LRRTM4: variants seen among roughly 807,000 people sequenced by gnomAD.
LRRTM4 encodes the protein leucine-rich repeat transmembrane neuronal protein 4.
A neutral mutation model predicts 47.6 loss-of-function variants in LRRTM4; 25 were observed. That is an observed-to-expected ratio of 0.53 (90% confidence interval 0.38 to 0.73). LRRTM4 has a LOEUF of 0.73. Ranked by LOEUF, LRRTM4 falls within the 30% of genes least tolerant of loss-of-function variation. The probability of loss-of-function intolerance (pLI) is 0.00; values close to 1 mark genes in which losing one functional copy is unlikely to be tolerated. For missense variants in LRRTM4, 638 were observed against 713.4 expected (o/e 0.89, Z 1.20); for synonymous variants, 311 against 269.5 (o/e 1.15, Z -1.51).
At position 77,105,581 on chromosome 2, in the gene LRRTM4, G is replaced by A. The variant is rs184514124; in HGVS notation, c.1552-356665C>T. Among the ~76,000 whole-genome samples, 594 of 152,044 alleles carry A rather than the reference G, an allele frequency of 3.9e-3. 6 individuals carry two copies. Among genetic ancestry groups the A allele is most frequent in the African/African-American group, 0.014 (569 of 41,482 alleles). ...GTTAAATGACGAGTTACTGGGTGCA[G>A]CACACCAACATGGCACGTGTATACA... On this transcript the variant is annotated intron_variant, in intron 3 of 3. Transcript: ENST00000409884.
chr2:77,428,593 A>T (rs1439634224), intron 3 of LRRTM4, among the ~76,000 whole-genome samples: 1 of 152,194 alleles, frequency 6.6e-6, no homozygotes, highest in Non-Finnish European at 1.5e-5. Context: ...TAAAAGGTTC[A>T]CATTTTTTAG....
intron 3 of LRRTM4, among the ~76,000 whole-genome samples, chr2:77,217,213 C>A (rs963737844): frequency 2.0e-5 from 3 of 151,026 alleles, no homozygotes; most frequent in Admixed American, 6.6e-5. Flanking sequence ...TTGTTGACAA[C>A]CATTTTATCC....
At position 77,366,854 on chromosome 2, in the gene LRRTM4, C is replaced by T. The variant is rs571927479; in HGVS notation, c.1551+151464G>A. Among the ~76,000 whole-genome samples, 8 of 151,958 alleles carry T rather than the reference C, an allele frequency of 5.3e-5. 1 individual carries two copies. In the South Asian group the frequency reaches 1.7e-3, roughly 32 times the overall value. The stretch of plus-strand genomic sequence containing the variant: ...TGGGTCAAGTTATCACTGTCTCTGT[C>T]TCAGATACTGTGTTGGTCGTTTAGC... On this transcript the variant is annotated intron_variant, in intron 3 of 3. Coordinates refer to ENST00000409884, the MANE Select transcript of LRRTM4 (RefSeq NM_001134745.3).
At chr2:77,025,692 A>T (rs543825851) in intron 3 of LRRTM4, among the ~76,000 whole-genome samples, 1 of 152,222 alleles carries the variant, frequency 6.6e-6, no homozygotes. Context: ...ACAAAAATGT[A>T]GAATATTTCT....
chr2:77,246,370 A>G (rs900017313), intron 3 of LRRTM4, among the ~76,000 whole-genome samples: 55 of 152,202 alleles, frequency 3.6e-4, no homozygotes, highest in African/African-American at 1.3e-3. Context: ...TTTCGCCAAT[A>G]TATACACACT....
intron 3 of LRRTM4, among the ~76,000 whole-genome samples, chr2:76,913,821 G>A (rs1674152973): frequency 6.6e-6 from 1 of 151,898 alleles, no homozygotes. Context: ...TTACAGGCGT[G>A]AACCACCATG....
chr2:76,839,610 G>T (rs946130634), intron 3 of LRRTM4, among the ~76,000 whole-genome samples: 6 of 151,772 alleles, frequency 4.0e-5, no homozygotes, highest in African/African-American at 1.2e-4. Flanking sequence ...TGCTGGAGAT[G>T]GTTACTCAGA....
At chr2:77,004,123 GA>G (rs1445265659) in intron 3 of LRRTM4, among the ~76,000 whole-genome samples, 1 of 152,170 alleles carries the variant, frequency 6.6e-6, no homozygotes, top group Non-Finnish European at 1.5e-5. Flanking sequence ...TTTGCAGCCT[GA>G]AATGCAGTAG....
chr2:77,292,758 TA>T (rs1236224013), intron 3 of LRRTM4, among the ~76,000 whole-genome samples: 1 of 150,498 alleles, frequency 6.6e-6, no homozygotes, highest in East Asian at 2.0e-4. Flanking sequence ...AATGACGAGT[TA>T]ATGGGTGCAG....
At chr2:76,869,366 T>C (rs897526637) in intron 3 of LRRTM4, among the ~76,000 whole-genome samples, 3 of 152,110 alleles carry the variant, frequency 2.0e-5, no homozygotes, top group Non-Finnish European at 2.9e-5. Flanking sequence ...TTGAAGAGGC[T>C]GAGCCTCTTC....
At chr2:77,402,712 G>T (rs1573366395) in intron 3 of LRRTM4, among the ~76,000 whole-genome samples, 1 of 151,840 alleles carries the variant, frequency 6.6e-6, no homozygotes, top group Non-Finnish European at 1.5e-5. Context: ...ATTCACAGCT[G>T]GGCAATGACT....
chr2:77,032,826 A>C (rs887380286), intron 3 of LRRTM4, among the ~76,000 whole-genome samples: 3 of 152,106 alleles, frequency 2.0e-5, no homozygotes, highest in African/African-American at 7.2e-5. Context: ...GGAAATGCTG[A>C]TTCTTTTTAG....
At chr2:77,235,995 A>T (rs989847390) in intron 3 of LRRTM4, among the ~76,000 whole-genome samples, 9 of 152,016 alleles carry the variant, frequency 5.9e-5, no homozygotes, top group Admixed American at 2.6e-4. Context: ...TGCTTTGGCT[A>T]TTTGAATTCC....
At chr2:76,933,028 T>C (rs571517963) in intron 3 of LRRTM4, among the ~76,000 whole-genome samples, 1 of 152,206 alleles carries the variant, frequency 6.6e-6, no homozygotes, top group East Asian at 1.9e-4. Flanking sequence ...ATTTGAGAAA[T>C]CTTAATATTC....
At chr2:76,800,858 C>G (rs1408683699) in intron 3 of LRRTM4, among the ~76,000 whole-genome samples, 1 of 150,872 alleles carries the variant, frequency 6.6e-6, no homozygotes, top group Middle Eastern at 3.4e-3. Flanking sequence ...AAAAAATGCT[C>G]ATCATCACTG....
At chr2:77,430,334 C>T (rs1675314779) in intron 3 of LRRTM4, among the ~76,000 whole-genome samples, 1 of 152,116 alleles carries the variant, frequency 6.6e-6, no homozygotes, top group Non-Finnish European at 1.5e-5. Context: ...TAGGTAATCT[C>T]TTAACCTTTT....
At chr2:77,064,407 A>T (rs1679886891) in intron 3 of LRRTM4, among the ~76,000 whole-genome samples, 1 of 152,212 alleles carries the variant, frequency 6.6e-6, no homozygotes, top group Non-Finnish European at 1.5e-5. Context: ...AAGCTAAGAA[A>T]TGGTATCTTA....
rs386390525 is a variant in LRRTM4 at position 77,083,783 on chromosome 2, C to CTTTTTTTTTTTTTTTTTTTTTTT, written c.1552-334890_1552-334868dup. Among the ~76,000 whole-genome samples, 4 of 52,404 alleles carry CTTTTTTTTTTTTTTTTTTTTTTT rather than the reference C, an allele frequency of 7.6e-5. 1 individual carries two copies. The highest frequency in any genetic ancestry group is 1.7e-4 in the Non-Finnish European group (4 of 23,550). The allele number at this position is 52,404 out of a possible 152,430, so 34.4% of individuals were successfully genotyped here. A position where few individuals can be genotyped will look rare whatever the true frequency, so the allele number is the denominator to read the frequency against. On this transcript the variant is annotated intron_variant, in intron 3 of 3. Coordinates refer to ENST00000409884, the MANE Select transcript of LRRTM4 (RefSeq NM_001134745.3). ...ACTTCTCAATTTTTAACTGGACACA[C>CTTTTTTTTTTTTTTTTTTTTTTT]TTTTTTTTTTTTTTTTTTTTTTTTT...
At chr2:76,977,053 G>A (rs1047846570) in intron 3 of LRRTM4, among the ~76,000 whole-genome samples, 4 of 151,604 alleles carry the variant, frequency 2.6e-5, no homozygotes, top group African/African-American at 9.7e-5. Context: ...GTACGTGTAT[G>A]TGTACATAGA....
Sources: gnomAD v4.1 joint callset for allele counts (sites outside exome capture counted in the v4.1 genomes callset) on GRCh38, gnomAD v4.1.1 for gene constraint, MANE v1.5 for transcripts, NCBI Gene and HGNC (gene_info 2026-07-23, HGNC 2026-07-21) for gene names.